The following VPS26B variants were observed in gnomAD, a reference collection of about 807,000 sequenced individuals.
VPS26B encodes the protein vacuolar protein sorting-associated protein 26B.
Under a neutral mutation model 33.3 loss-of-function variants are expected in VPS26B, and 10 were observed. The ratio of observed to expected loss-of-function variants is 0.30; its 90% CI spans 0.19 to 0.51. VPS26B has a LOEUF of 0.51. VPS26B is among the 20% of genes least tolerant of loss of function. The pLI, the probability that VPS26B is intolerant of heterozygous loss-of-function variation, is 0.98. For missense variants in VPS26B, 317 were observed against 452.7 expected, an observed-to-expected ratio of 0.70 and a Z score of 2.72; for synonymous variants, 190 against 176.9, an observed-to-expected ratio of 1.07 and a Z score of -0.59.
At position 134,240,820 on chromosome 11, in the gene VPS26B, T is replaced by C. The variant is rs1237098248; in HGVS notation, c.545+665T>C. ...GTGTGTGTGTGTGTGTGTGTGTGTG[T>C]GTGTGTGTAGCCAAGGTTTCATAAT... On this transcript the variant is annotated intron_variant, in intron 3 of 5. Transcript: ENST00000281187. This position sits in a 1 kb window ranked among gnomAD's most constrained non-coding sequence, Gnocchi z 4.4. 2.7e-5 allele frequency among the ~76,000 whole-genome samples: 4 copies of C among 150,826 alleles called. No homozygotes were observed. The Admixed American group carries it at 2.7e-4, about 10-fold the overall frequency.
Position 134,234,904 on chromosome 11 carries a change from C to T in VPS26B, c.231C>T (p.Tyr77=), listed in dbSNP as rs770332135. The T allele has an allele frequency of 5.9e-5, 96 of 1,613,874 alleles. No individual in the cohort carries two copies. Among genetic ancestry groups the T allele is most frequent in the Non-Finnish European group, 7.3e-5 (86 of 1,179,924 alleles). ...ATCGCTGTCTCTCACCAGAACTCTA[C>T]TACGATCGCGGGAACCACCATGAGT... ...KIEFIGQIEL[Y]YDRGNHHEFV... The change falls in exon 2 of 6, where the codon TAC becomes TAT. Residue 77 remains tyrosine (Y), a synonymous_variant. Transcript: ENST00000281187.
intron 2 of VPS26B, 82 bp from the exon 3 acceptor site, chr11:134,239,909 C>A (rs948734272): frequency 1.9e-6 from 3 of 1,542,570 alleles, no homozygotes; most frequent in African/African-American, 2.7e-5. Flanking sequence ...AGGCTTCTCT[C>A]AAGTGGGCCA....
At chr11:134,233,009 A>G (rs556266506) in intron 1 of VPS26B, among the ~76,000 whole-genome samples, 2 of 152,324 alleles carry the variant, frequency 1.3e-5, no homozygotes, top group Admixed American at 6.5e-5. Flanking sequence ...CTTTCCACCC[A>G]TAATTTGGAG....
At position 134,245,625 on chromosome 11, in the gene VPS26B, C is replaced by T; in HGVS notation, c.*35C>T. Reference sequence around the variant, plus strand: ...GCCGAGAAGATGCTGGGCACCCACCCAGCACCCCCATCTACCAACACCAGC... The same window carrying T: ...GCCGAGAAGATGCTGGGCACCCACCTAGCACCCCCATCTACCAACACCAGC... On this transcript the variant is annotated 3_prime_UTR_variant, in exon 6 of 6. Transcript: ENST00000281187. The surrounding 1 kb of genome is among the most constrained non-coding windows in gnomAD (Gnocchi z 4.7). 2 of 1,576,684 alleles carry T rather than the reference C, an allele frequency of 1.3e-6. No individual in the cohort carries two copies. The highest frequency in any genetic ancestry group is 1.7e-6 in the Non-Finnish European group (2 of 1,163,274).
In VPS26B at chr11:134,245,096, C is replaced by T. The variant is rs1938789554; in HGVS notation, c.864+16C>T. ...CAAGCAGCAGGTGAGGGCCAGGCTCCTCCAGGCCCCGATGCCCTTGGGACA... is the reference window on the plus strand; with the variant it reads ...CAAGCAGCAGGTGAGGGCCAGGCTCTTCCAGGCCCCGATGCCCTTGGGACA... On this transcript the variant is annotated intron_variant, in intron 5 of 5. Transcript: ENST00000281187. This position sits in a 1 kb window ranked among gnomAD's most constrained non-coding sequence, Gnocchi z 4.7. 6.8e-6 allele frequency: 11 copies of T among 1,613,452 alleles called. No individual in the cohort carries two copies. The East Asian group carries it at 2.5e-4, about 36-fold the overall frequency.
intron 2 of VPS26B, among the ~76,000 whole-genome samples, chr11:134,238,847 T>G (rs192835048): frequency 0.015 from 2,358 of 152,206 alleles, 15 homozygotes; most frequent in Middle Eastern, 0.034. Context: ...CGCCCGCCTC[T>G]GCCTCCCAAA....
chr11:134,240,780 TGTGTGTGTGTGTCC>T lies in VPS26B; in HGVS notation c.545+638_545+651del, dbSNP rs943064020. 5.8e-5 allele frequency among the ~76,000 whole-genome samples: 8 copies of T among 138,158 alleles called. No individual in the cohort carries two copies. The East Asian group carries it at 8.5e-4, about 15-fold the overall frequency. 90.6% of individuals were successfully genotyped at this position (138,158 alleles called of 152,430 possible). On this transcript the variant is annotated intron_variant, in intron 3 of 5. Transcript: ENST00000281187. This position sits in a 1 kb window ranked among gnomAD's most constrained non-coding sequence, Gnocchi z 4.4. ...CACCCAGCTAATTTGTGTCCGTGTGTGTGTGTGTGTGTCCGTGTGTGTGTGTGTGTGTGTGTGTG... is the reference window on the plus strand; with the variant it reads ...CACCCAGCTAATTTGTGTCCGTGTGTGTGTGTGTGTGTGTGTGTGTGTGTG...
intron 1 of VPS26B, among the ~76,000 whole-genome samples, chr11:134,230,933 G>A (rs1221090464): frequency 6.6e-5 from 10 of 152,160 alleles, no homozygotes; most frequent in Admixed American, 6.5e-4. Flanking sequence ...CATCTCTTGG[G>A]TCAGGCCCAT....
chr11:134,234,878 C>T lies in VPS26B; in HGVS notation c.224-19C>T, dbSNP rs767875683. The stretch of plus-strand genomic sequence containing the variant: ...CAGGGTCTGATAAAGGAGGGCGTCG[C>T]ATCGCTGTCTCTCACCAGAACTCTA... On this transcript the variant is annotated intron_variant, in intron 1 of 5. Coordinates refer to ENST00000281187, the MANE Select transcript of VPS26B (RefSeq NM_052875.5). 11 of 1,611,000 alleles carry T rather than the reference C, an allele frequency of 6.8e-6. No individual in the cohort carries two copies. The highest frequency in any genetic ancestry group is 1.1e-5 in the South Asian group (1 of 90,730).
At chr11:134,243,370 G>A (rs570197651) in intron 4 of VPS26B, 76 bp downstream of exon 4, 16 of 1,517,604 alleles carry the variant, frequency 1.1e-5, no homozygotes, top group Middle Eastern at 2.1e-4. Context: ...AGGGGCTTGA[G>A]GGATTACACT....
At chr11:134,227,204 G>C (rs1938492136) in intron 1 of VPS26B, among the ~76,000 whole-genome samples, 1 of 152,180 alleles carries the variant, frequency 6.6e-6, no homozygotes, top group South Asian at 2.1e-4. Context: ...ATCATCTCTA[G>C]CAAAGAACCC....
At position 134,245,859 on chromosome 11, in the gene VPS26B, T is replaced by G; in HGVS notation, c.*269T>G. ...GCCTCTCTGGGGAACATGAGCCCCC[T>G]TCCTCGGGGGGCTGCCTTGCGTCTT... On this transcript the variant is annotated 3_prime_UTR_variant, in exon 6 of 6. Coordinates refer to ENST00000281187, the MANE Select transcript of VPS26B (RefSeq NM_052875.5). The surrounding 1 kb of genome is among the most constrained non-coding windows in gnomAD (Gnocchi z 4.7). 9.2e-6 allele frequency: 4 copies of G among 436,224 alleles called. No homozygotes were observed. Among genetic ancestry groups the G allele is most frequent in the East Asian group, 3.8e-5 (1 of 26,276 alleles). 27.0% of individuals were successfully genotyped at this position (436,224 alleles called of 1,614,324 possible). A position where few individuals can be genotyped will look rare whatever the true frequency, so the allele number is the denominator to read the frequency against.
At chr11:134,225,714 T>A (rs149996287) in intron 1 of VPS26B, among the ~76,000 whole-genome samples, 1 of 152,200 alleles carries the variant, frequency 6.6e-6, no homozygotes, top group Admixed American at 6.5e-5. Flanking sequence ...CAGGTGGGTT[T>A]GTTAGGGGGA....
chr11:134,230,329 A>T (rs964077474), intron 1 of VPS26B, among the ~76,000 whole-genome samples: 7 of 152,262 alleles, frequency 4.6e-5, no homozygotes, highest in African/African-American at 1.7e-4. Context: ...ATTTACAGAA[A>T]CTATTCTTTG....
chr11:134,239,819 A>T (rs1160281572), intron 2 of VPS26B, 172 bp from the exon 3 acceptor site: 3 of 695,242 alleles, frequency 4.3e-6, no homozygotes, highest in Non-Finnish European at 7.5e-6. Context: ...GTATAGGTAC[A>T]TATGTGCATC....
Position 134,246,991 on chromosome 11 carries a change from A to C in VPS26B, c.*1401A>C, listed in dbSNP as rs527505918. The C allele has an allele frequency of 1.3e-5, 2 of 152,110 alleles. No homozygotes were observed. Among genetic ancestry groups the C allele is most frequent in the Admixed American group, 1.3e-4 (2 of 15,274 alleles). 9.4% of individuals were successfully genotyped at this position (152,110 alleles called of 1,614,324 possible). On this transcript the variant is annotated 3_prime_UTR_variant, in exon 6 of 6. Coordinates refer to ENST00000281187, the MANE Select transcript of VPS26B (RefSeq NM_052875.5). ...GAGTTCTCAGTAATTTGGAAAGTTA[A>C]GGAGTTGGTTCCTGTGTCACCTTTC...
chr11:134,236,160 T>A (rs186258615), intron 2 of VPS26B, among the ~76,000 whole-genome samples: 6,186 of 151,988 alleles, frequency 0.041, 404 homozygotes, highest in African/African-American at 0.14. Context: ...AAAAAAAAAT[T>A]TTTTTAATTT....
chr11:134,239,459 C>A (rs1264024249), intron 2 of VPS26B, among the ~76,000 whole-genome samples: 2 of 152,228 alleles, frequency 1.3e-5, no homozygotes, highest in Admixed American at 6.5e-5. Context: ...GACTTAATTT[C>A]TCTCTTTCCT....
intron 2 of VPS26B, 67 bp downstream of exon 2, chr11:134,235,120 C>G: frequency 6.5e-7 from 1 of 1,539,978 alleles, no homozygotes; most frequent in Non-Finnish European, 8.8e-7. Flanking sequence ...GGACCTGAGG[C>G]CGTCCCCACT....
Sources: allele counts gnomAD v4.1 joint callset (sites outside exome capture counted in the v4.1 genomes callset), GRCh38; gene constraint gnomAD v4.1.1; non-coding constraint Gnocchi (gnomAD v3.1); transcripts MANE v1.5; gene names NCBI Gene and HGNC (gene_info 2026-07-23, HGNC 2026-07-21).